The following NRG3 variants were observed in gnomAD, a reference collection of about 807,000 sequenced individuals.
NRG3 encodes neuregulin 3.
NRG3 carries 31 observed loss-of-function variants against 66.9 expected under a neutral mutation model. The ratio of observed to expected loss-of-function variants is 0.46; its 90% CI spans 0.35 to 0.63. The LOEUF is 0.63. Ranked by LOEUF, NRG3 falls within the 20% of genes least tolerant of loss-of-function variation. The pLI, the probability that NRG3 is intolerant of heterozygous loss-of-function variation, is 0.00. For synonymous variants in NRG3, 393 were observed against 359.4 expected (o/e 1.09, Z -1.06); for missense variants, 910 against 878.9 (o/e 1.04, Z -0.45).
At chr10:82,202,621 A>G (rs1033042483) in intron 1 of NRG3, among the ~76,000 whole-genome samples, 3 of 152,206 alleles carry the variant, frequency 2.0e-5, no homozygotes, top group African/African-American at 7.2e-5. Context: ...CACAGATCAA[A>G]GCTTTTCCTG....
chr10:81,988,100 AT>A (rs2133542159), intron 1 of NRG3, among the ~76,000 whole-genome samples: 1 of 152,342 alleles, frequency 6.6e-6, no homozygotes, highest in African/African-American at 2.4e-5. Flanking sequence ...ACCAAAATGC[AT>A]TTCAATATAT....
intron 1 of NRG3, among the ~76,000 whole-genome samples, chr10:82,294,962 T>G (rs1458155489): frequency 6.6e-6 from 1 of 152,168 alleles, no homozygotes; most frequent in Non-Finnish European, 1.5e-5. Flanking sequence ...AAAATATAAA[T>G]ATATCAATTC....
chr10:82,816,184 T>A (rs1352222739), intron 3 of NRG3, among the ~76,000 whole-genome samples: 2 of 151,996 alleles, frequency 1.3e-5, no homozygotes, highest in African/African-American at 4.8e-5. Context: ...AAGTGGGAGG[T>A]GAGGTGTTTC....
intron 3 of NRG3, among the ~76,000 whole-genome samples, chr10:82,813,076 C>T (rs534514232): frequency 1.3e-5 from 2 of 152,210 alleles, no homozygotes; most frequent in Non-Finnish European, 2.9e-5. Context: ...TCTTTGAAAC[C>T]TGTGCTCATA....
intron 2 of NRG3, among the ~76,000 whole-genome samples, chr10:82,582,785 AC>A (rs1444344656): frequency 5.9e-5 from 9 of 152,210 alleles, no homozygotes; most frequent in Admixed American, 5.2e-4. Flanking sequence ...AAAATAGTTT[AC>A]ATTTATATAG....
At chr10:82,853,499 G>A (rs1326819141) in intron 3 of NRG3, among the ~76,000 whole-genome samples, 2 of 151,994 alleles carry the variant, frequency 1.3e-5, no homozygotes, top group Non-Finnish European at 2.9e-5. Flanking sequence ...CCTTGTAGAG[G>A]TCTTTCATCT....
chr10:82,268,798 G>A (rs996672229), intron 1 of NRG3, among the ~76,000 whole-genome samples: 1 of 152,096 alleles, frequency 6.6e-6, no homozygotes, highest in Admixed American at 6.6e-5. Flanking sequence ...ATGGGGGATA[G>A]ATGGTAAGTC....
At chr10:82,868,165 C>A (rs1005021761) in intron 4 of NRG3, among the ~76,000 whole-genome samples, 1 of 152,144 alleles carries the variant, frequency 6.6e-6, no homozygotes, top group African/African-American at 2.4e-5. Context: ...AGAAATGGAC[C>A]AGTCTCCATC....
chr10:82,774,302 T>G (rs1345118876), intron 3 of NRG3, among the ~76,000 whole-genome samples: 1 of 152,292 alleles, frequency 6.6e-6, no homozygotes, highest in African/African-American at 2.4e-5. Flanking sequence ...AAGATGTTTT[T>G]GGAACATCCC....
chr10:82,936,652 G>C (rs1378383177), intron 4 of NRG3, among the ~76,000 whole-genome samples: 2 of 152,102 alleles, frequency 1.3e-5, no homozygotes, highest in Non-Finnish European at 2.9e-5. Flanking sequence ...TAATGTGTTT[G>C]TTAATCAGCT....
chr10:82,390,201 A>G lies in NRG3; in HGVS notation c.953+31333A>G, dbSNP rs145006431. On this transcript the variant is annotated intron_variant, in intron 2 of 8. Transcript: ENST00000372141. ...TGGTTAAGTTTTCTGACTCTCAGTG[A>G]TCCATTTTCAAAAGGCCATCTCTGA... Among the ~76,000 whole-genome samples the G allele has an allele frequency of 1.7e-4, 26 of 152,246 alleles. No individual in the cohort carries two copies. The East Asian group carries it at 4.8e-3, about 28-fold the overall frequency.
chr10:82,444,751 T>TA (rs954150891), intron 2 of NRG3, among the ~76,000 whole-genome samples: 3 of 152,166 alleles, frequency 2.0e-5, no homozygotes, highest in Admixed American at 2.0e-4. Context: ...GAGAAGCCCA[T>TA]AAAAAACAAT....
chr10:82,368,064 T>TTTCCTGTCCGTATCAA (rs1554897754), intron 2 of NRG3, among the ~76,000 whole-genome samples: 3 of 105,230 alleles, frequency 2.9e-5, no homozygotes, highest in East Asian at 6.7e-4. Flanking sequence ...TTCAGTTTTC[T>TTTCCTGTCCGTATCAA]TATCTGTGAA....
At chr10:82,523,003 A>G (rs544596029) in intron 2 of NRG3, among the ~76,000 whole-genome samples, 23 of 152,328 alleles carry the variant, frequency 1.5e-4, no homozygotes, top group African/African-American at 5.1e-4. Flanking sequence ...GACATGTCAT[A>G]TAAATAGAAT....
intron 2 of NRG3, among the ~76,000 whole-genome samples, chr10:82,735,335 G>A (rs2058102169): frequency 1.3e-5 from 2 of 152,252 alleles, no homozygotes; most frequent in South Asian, 2.1e-4. Context: ...TAATTTCTGT[G>A]ATGCCAGGCT....
At chr10:82,905,729 ATT>A (rs1380985877) in intron 4 of NRG3, among the ~76,000 whole-genome samples, 2 of 152,018 alleles carry the variant, frequency 1.3e-5, no homozygotes, top group Non-Finnish European at 2.9e-5. Flanking sequence ...TCTCTCTAGA[ATT>A]TAAATAGTTA....
At chr10:82,209,958 C>T (rs1056320388) in intron 1 of NRG3, among the ~76,000 whole-genome samples, 15 of 151,966 alleles carry the variant, frequency 9.9e-5, no homozygotes, top group Non-Finnish European at 1.0e-4. Flanking sequence ...TATATATTTT[C>T]AATAGCCAAG....
chr10:82,783,200 C>T (rs1199282038), intron 3 of NRG3, among the ~76,000 whole-genome samples: 10 of 152,102 alleles, frequency 6.6e-5, no homozygotes, highest in East Asian at 3.9e-4. Flanking sequence ...GTTGATGGGA[C>T]GTATCTCAAA....
chr10:82,981,949 A>G (rs1240542271), intron 8 of NRG3, among the ~76,000 whole-genome samples: 1 of 152,190 alleles, frequency 6.6e-6, no homozygotes, highest in Non-Finnish European at 1.5e-5. Flanking sequence ...CTCTTCAGTT[A>G]TTCTTTAGAA....
Sources: allele counts gnomAD v4.1 joint callset (sites outside exome capture counted in the v4.1 genomes callset), GRCh38; gene constraint gnomAD v4.1.1; transcripts MANE v1.5; gene names NCBI Gene and HGNC (gene_info 2026-07-23, HGNC 2026-07-21).